Variants in ATOSA observed in about 807,000 individuals in gnomAD.
The protein encoded by ATOSA is atos homolog protein A.
chr15:52,603,168 A>G, the ATOSA span, among the ~76,000 whole-genome samples: 1 of 152,228 alleles, frequency 6.6e-6, no homozygotes, highest in African/African-American at 2.4e-5. Context: ...ATGGACAAAA[A>G]AAATCTGAAC....
the ATOSA span, among the ~76,000 whole-genome samples, chr15:52,691,851 TAAATAAGAAA>T: frequency 5.4e-5 from 5 of 93,268 alleles, no homozygotes; most frequent in Non-Finnish European, 7.6e-5. Context: ...AATAAATAAA[TAAATAAGAAA>T]AAGAAAAAGA....
chr15:52,691,764 G>A, the ATOSA span, among the ~76,000 whole-genome samples: 1 of 152,058 alleles, frequency 6.6e-6, no homozygotes, highest in East Asian at 1.9e-4. Flanking sequence ...GAGCCCGGGG[G>A]GTCAAGGCTG....
chr15:52,601,529 GA>G, the ATOSA span, among the ~76,000 whole-genome samples: 29,099 of 112,774 alleles, frequency 0.26, 3,015 homozygotes, highest in East Asian at 0.54. Context: ...ACTTAAAAAG[GA>G]AAAAAAAAAA....
At chr15:52,643,749 C>T in the ATOSA span, among the ~76,000 whole-genome samples, 1 of 152,026 alleles carries the variant, frequency 6.6e-6, no homozygotes, top group Non-Finnish European at 1.5e-5. Flanking sequence ...CCCGTCTCTA[C>T]TGAAAATACA....
chr15:52,667,263 T>A, the ATOSA span, among the ~76,000 whole-genome samples: 1 of 152,270 alleles, frequency 6.6e-6, no homozygotes. Context: ...TAATTAGCTG[T>A]TCTATTTACA....
chr15:52,613,494 G>A, the ATOSA span, among the ~76,000 whole-genome samples: 1 of 152,202 alleles, frequency 6.6e-6, no homozygotes, highest in Non-Finnish European at 1.5e-5. Context: ...ATGCCTTCAA[G>A]AGCCTCATTT....
the ATOSA span, among the ~76,000 whole-genome samples, chr15:52,654,286 A>C: frequency 6.6e-6 from 1 of 152,166 alleles, no homozygotes; most frequent in East Asian, 1.9e-4. Context: ...CTTAAATCCA[A>C]CTGAGACAGA....
At chr15:52,613,821 T>A in the ATOSA span, 2 of 1,613,892 alleles carry the variant, frequency 1.2e-6, no homozygotes, top group South Asian at 1.1e-5. Flanking sequence ...GACCAAGAAC[T>A]CCTCTGCATC....
chr15:52,628,262 G>T, the ATOSA span, among the ~76,000 whole-genome samples: 1 of 152,118 alleles, frequency 6.6e-6, no homozygotes, highest in African/African-American at 2.4e-5. Context: ...AAGACTAATA[G>T]TATTTTATAA....
the ATOSA span, among the ~76,000 whole-genome samples, chr15:52,624,378 T>A: frequency 6.6e-6 from 1 of 152,340 alleles, no homozygotes; most frequent in African/African-American, 2.4e-5. Context: ...CTTTGTTCTC[T>A]TCCCCAGAAT....
the ATOSA span, among the ~76,000 whole-genome samples, chr15:52,654,084 G>T: frequency 6.6e-6 from 1 of 151,928 alleles, no homozygotes; most frequent in African/African-American, 2.4e-5. Flanking sequence ...TAATCCCAGG[G>T]TTGTTTTGGA....
chr15:52,704,854 A>G, the ATOSA span, among the ~76,000 whole-genome samples: 4 of 152,310 alleles, frequency 2.6e-5, no homozygotes, highest in East Asian at 7.7e-4. Flanking sequence ...TCAGGAAACA[A>G]CAGACCCTGG....
chr15:52,585,575 T>A, the ATOSA span, among the ~76,000 whole-genome samples: 1 of 152,218 alleles, frequency 6.6e-6, no homozygotes, highest in African/African-American at 2.4e-5. Flanking sequence ...AGGCTAATAC[T>A]TCATTTACTC....
chr15:52,600,498 C>T, the ATOSA span, among the ~76,000 whole-genome samples: 3 of 152,008 alleles, frequency 2.0e-5, no homozygotes, highest in South Asian at 6.2e-4. Flanking sequence ...ACTCAAACTA[C>T]CATAATAAAT....
At chr15:52,694,067 T>C in the ATOSA span, among the ~76,000 whole-genome samples, 13 of 152,062 alleles carry the variant, frequency 8.5e-5, no homozygotes, top group Non-Finnish European at 1.3e-4. Context: ...CAAAATAGAA[T>C]TTTGTAACTT....
chr15:52,692,812 A>G, the ATOSA span, among the ~76,000 whole-genome samples: 1 of 126,704 alleles, frequency 7.9e-6, no homozygotes, highest in South Asian at 2.7e-4. Context: ...GGCGTCAGCT[A>G]TAGCACAGGG....
At chr15:52,677,049 G>C in the ATOSA span, among the ~76,000 whole-genome samples, 1 of 151,836 alleles carries the variant, frequency 6.6e-6, no homozygotes, top group Non-Finnish European at 1.5e-5. Flanking sequence ...AATTCCTTCT[G>C]GTGCATTTCA....
chr15:52,623,586 T>C, the ATOSA span, among the ~76,000 whole-genome samples: 136,360 of 151,906 alleles, frequency 0.9, 61,267 homozygotes, highest in East Asian at 1. Flanking sequence ...ATGGAAGCCT[T>C]GAGAGAATAG....
At chr15:52,672,786 T>TC in the ATOSA span, among the ~76,000 whole-genome samples, 1 of 152,232 alleles carries the variant, frequency 6.6e-6, no homozygotes, top group Non-Finnish European at 1.5e-5. Context: ...ATCTTTTTTT[T>TC]CTCATTCTTC....
Sources: allele counts gnomAD v4.1 joint callset (sites outside exome capture counted in the v4.1 genomes callset), GRCh38; gene constraint gnomAD v4.1.1; transcripts MANE v1.5; gene names NCBI Gene and HGNC (gene_info 2026-07-23, HGNC 2026-07-21).